The following SMAD1 variants were observed in gnomAD, a reference collection of about 807,000 sequenced individuals.
SMAD1 encodes SMAD family member 1, also known as MAD, mothers against decapentaplegic homolog 1.
A neutral mutation model predicts 41.6 loss-of-function variants in SMAD1; 6 were observed. The observed-to-expected ratio is 0.14, with a 90% CI of 0.08 to 0.28. The LOEUF is 0.28. SMAD1 is among the 10% of genes least tolerant of loss of function. The probability of loss-of-function intolerance (pLI) is 1.00; values close to 1 mark genes in which losing one functional copy is unlikely to be tolerated. For missense variants in SMAD1, 379 were observed against 582.6 expected (o/e 0.65, Z 3.60); for synonymous variants, 206 against 203.2 (o/e 1.01, Z -0.12).
In SMAD1 at chr4:145,528,819, C is replaced by T. The variant is rs561934050; in HGVS notation, c.401-10985C>T. On this transcript the variant is annotated intron_variant, in intron 2 of 6. Transcript: ENST00000302085. ...TGCAACGTTGAGAGACACCATAGCA[C>T]GGTGGCTAAGAACTTGGACTGCAGT... Among the ~76,000 whole-genome samples the T allele has an allele frequency of 7.9e-5, 12 of 152,336 alleles. No homozygotes were observed. In the East Asian group the frequency reaches 1.5e-3, roughly 20 times the overall value.
At chr4:145,543,441 C>G (rs1302513536) in intron 4 of SMAD1, among the ~76,000 whole-genome samples, 1 of 152,140 alleles carries the variant, frequency 6.6e-6, no homozygotes, top group Non-Finnish European at 1.5e-5. Flanking sequence ...TTTTTCAGCT[C>G]TTATGTATGT....
intron 2 of SMAD1, among the ~76,000 whole-genome samples, chr4:145,535,643 G>A (rs766213842): frequency 1.3e-5 from 2 of 152,028 alleles, no homozygotes; most frequent in Non-Finnish European, 2.9e-5. Flanking sequence ...TTTTCAAGAA[G>A]AAACACAGGA....
intron 1 of SMAD1, among the ~76,000 whole-genome samples, chr4:145,513,639 A>G (rs1730213973): frequency 6.6e-6 from 1 of 152,212 alleles, no homozygotes; most frequent in Admixed American, 6.5e-5. Flanking sequence ...TATAAGAGGA[A>G]TTTTCTTTTA....
chr4:145,489,531 G>T (rs886431792), intron 1 of SMAD1, among the ~76,000 whole-genome samples: 1 of 152,162 alleles, frequency 6.6e-6, no homozygotes, highest in Non-Finnish European at 1.5e-5. Context: ...TGGCTATAAA[G>T]TAATGAGAAA....
Position 145,557,954 on chromosome 4 carries a change from T to C in SMAD1, c.*20T>C. On this transcript the variant is annotated 3_prime_UTR_variant, in exon 7 of 7. Coordinates refer to ENST00000302085, the MANE Select transcript of SMAD1 (RefSeq NM_005900.3). ...TCTTAAATGGCCCCAGGCATCTGCC[T>C]CTGGAAAACTATTGAGCCTTGCATG... The C allele has an allele frequency of 6.3e-7, 1 of 1,582,312 alleles. No homozygotes were observed. Among genetic ancestry groups the C allele is most frequent in the Non-Finnish European group, 8.6e-7 (1 of 1,160,874 alleles).
chr4:145,530,625 C>T (rs1436547774), intron 2 of SMAD1, among the ~76,000 whole-genome samples: 1 of 152,072 alleles, frequency 6.6e-6, no homozygotes, highest in Non-Finnish European at 1.5e-5. Flanking sequence ...ATTATGTTCA[C>T]ATCTTTGTCT....
chr4:145,491,098 T>C (rs1728745265), intron 1 of SMAD1, among the ~76,000 whole-genome samples: 1 of 152,196 alleles, frequency 6.6e-6, no homozygotes, highest in African/African-American at 2.4e-5. Flanking sequence ...AAACTTTTTA[T>C]AGATTTGATA....
At chr4:145,511,171 T>G (rs1212730479) in intron 1 of SMAD1, among the ~76,000 whole-genome samples, 2 of 152,248 alleles carry the variant, frequency 1.3e-5, no homozygotes, top group African/African-American at 4.8e-5. Context: ...TTTAGTCATT[T>G]ATATTTAAGT....
intron 1 of SMAD1, among the ~76,000 whole-genome samples, chr4:145,490,644 A>G (rs151106307): frequency 4.0e-4 from 61 of 152,346 alleles, no homozygotes; most frequent in African/African-American, 1.4e-3. Context: ...TACTTGTTTT[A>G]TAAGAAGCCT....
chr4:145,539,443 T>C (rs183621673), intron 2 of SMAD1, among the ~76,000 whole-genome samples: 171 of 152,382 alleles, frequency 1.1e-3, no homozygotes, highest in African/African-American at 3.9e-3. Context: ...CTGTGAAATA[T>C]AATTGTCAAT....
intron 2 of SMAD1, among the ~76,000 whole-genome samples, chr4:145,527,583 T>G (rs560755143): frequency 2.0e-5 from 3 of 152,070 alleles, no homozygotes; most frequent in East Asian, 3.9e-4. Context: ...GCTACTGATA[T>G]GTAGAATTTG....
intron 1 of SMAD1, among the ~76,000 whole-genome samples, chr4:145,506,571 CAG>C (rs1464412820): frequency 1.3e-5 from 2 of 152,086 alleles, no homozygotes; most frequent in Non-Finnish European, 2.9e-5. Context: ...GAAGCTGATA[CAG>C]AGAGTGGTTG....
intron 1 of SMAD1, among the ~76,000 whole-genome samples, chr4:145,485,285 A>G (rs1314479754): frequency 6.6e-6 from 1 of 152,198 alleles, no homozygotes; most frequent in African/African-American, 2.4e-5. Flanking sequence ...CATGTTGCCC[A>G]GGCTGGTCTT....
At chr4:145,492,130 CACT>C (rs1728800910) in intron 1 of SMAD1, among the ~76,000 whole-genome samples, 1 of 152,188 alleles carries the variant, frequency 6.6e-6, no homozygotes, top group Non-Finnish European at 1.5e-5. Flanking sequence ...TCTGCTCTCA[CACT>C]ACAACAGTCA....
intron 1 of SMAD1, among the ~76,000 whole-genome samples, chr4:145,503,378 T>C (rs1408365937): frequency 1.3e-5 from 2 of 152,216 alleles, no homozygotes; most frequent in African/African-American, 2.4e-5. Flanking sequence ...GAGTTCATTA[T>C]AGCCTTTTTA....
intron 6 of SMAD1, among the ~76,000 whole-genome samples, chr4:145,555,013 G>A (rs1732760415): frequency 6.6e-6 from 1 of 152,016 alleles, no homozygotes; most frequent in Non-Finnish European, 1.5e-5. Context: ...CCTGAATATA[G>A]TTACTTTTCC....
intron 4 of SMAD1, among the ~76,000 whole-genome samples, chr4:145,543,386 A>T (rs1047834484): frequency 6.6e-6 from 1 of 152,196 alleles, no homozygotes; most frequent in Non-Finnish European, 1.5e-5. Context: ...GGCTGTCCAA[A>T]GGCTTTCTTC....
At chr4:145,516,489 T>C (rs1437826) in intron 2 of SMAD1, among the ~76,000 whole-genome samples, 1 of 152,018 alleles carries the variant, frequency 6.6e-6, no homozygotes, top group Non-Finnish European at 1.5e-5. Flanking sequence ...GCTCCTGCAC[T>C]TACTAGATTT....
At chr4:145,481,349 A>G (rs1728161630), upstream of SMAD1, 1 of 152,178 alleles carries the variant, frequency 6.6e-6, no homozygotes, top group Non-Finnish European at 1.5e-5. Flanking sequence ...AAATTATTGG[A>G]GAGTGAGTGA....
Sources: gnomAD v4.1 joint callset for allele counts (sites outside exome capture counted in the v4.1 genomes callset) on GRCh38, gnomAD v4.1.1 for gene constraint, MANE v1.5 for transcripts, NCBI Gene and HGNC (gene_info 2026-07-23, HGNC 2026-07-21) for gene names.